UNKL: variants seen among roughly 807,000 people sequenced by gnomAD.
UNKL encodes putative E3 ubiquitin-protein ligase UNKL.
In UNKL, 60 loss-of-function variants were observed where a neutral mutation model predicts 78.0. That is an observed-to-expected ratio of 0.77 (90% CI 0.63 to 0.95). The LOEUF is 0.95. UNKL is among the 40% of genes least tolerant of loss of function. UNKL has a pLI of 0.00. For missense variants in UNKL, 1,159 were observed against 1,045.7 expected (o/e 1.11, Z -1.49); for synonymous variants, 608 against 474.8 (o/e 1.28, Z -3.65).
intron 2 of UNKL, among the ~76,000 whole-genome samples, chr16:1,410,917 G>C (rs1259305547): frequency 6.6e-6 from 1 of 152,184 alleles, no homozygotes; most frequent in African/African-American, 2.4e-5. Flanking sequence ...ATTATTTCAA[G>C]TTTAGGCATC....
chr16:1,379,483 G>A (rs1759225498), intron 10 of UNKL: 1 of 985,252 alleles, frequency 1.0e-6, no homozygotes, highest in Non-Finnish European at 1.2e-6. Flanking sequence ...TGAGAAGCCC[G>A]GGCCCACCCC....
At position 1,363,312 on chromosome 16, in the gene UNKL, C is replaced by CT; in HGVS notation, c.*2927dup. 1.8e-6 allele frequency: 1 copy of CT among 567,132 alleles called. No homozygotes were observed. The highest frequency in any genetic ancestry group is 3.2e-6 in the Non-Finnish European group (1 of 316,628). The allele number at this position is 567,132 out of a possible 1,614,324, so 35.1% of individuals were successfully genotyped here. On this transcript the variant is annotated 3_prime_UTR_variant, in exon 15 of 15. Coordinates refer to ENST00000389221, the MANE Select transcript of UNKL (RefSeq NM_001372107.1). The stretch of plus-strand genomic sequence containing the variant: ...GTAAAAAAATTTAAACAAGTGTTAA[C>CT]TTTAAACAGTTCGCTACAAGTAAAT...
In UNKL at chr16:1,374,582, T is replaced by C. The variant is rs907263865; in HGVS notation, c.1265-2971A>G. ...TGCCTGGTGCTCGGTTCAGACAAGC[T>C]GGGGCCCAGCAGAAGCAAAGAGGCG... is the stretch of plus-strand genomic sequence containing the variant. On this transcript the variant is annotated intron_variant, in intron 10 of 14. Transcript: ENST00000389221. Among the ~76,000 whole-genome samples, 41 of 152,066 alleles carry C rather than the reference T, an allele frequency of 2.7e-4. 2 individuals carry two copies. Among genetic ancestry groups the C allele is most frequent in the Admixed American group, 2.3e-3 (35 of 15,274 alleles).
intron 11 of UNKL, 126 bp from the exon 12 acceptor site, chr16:1,370,483 T>C (rs2035714518): frequency 3.0e-6 from 4 of 1,343,990 alleles, no homozygotes; most frequent in Non-Finnish European, 4.0e-6. Context: ...GGGGTGGGAA[T>C]ATAGGGGCCA....
At chr16:1,369,259 G>A (rs1050205370) in intron 12 of UNKL, among the ~76,000 whole-genome samples, 3 of 151,078 alleles carry the variant, frequency 2.0e-5, no homozygotes, top group Admixed American at 6.6e-5. Context: ...TAGTAGAGAC[G>A]GGGTTTCACC....
intron 12 of UNKL, among the ~76,000 whole-genome samples, chr16:1,369,758 C>T (rs1016926325): frequency 5.3e-5 from 8 of 152,162 alleles, no homozygotes; most frequent in African/African-American, 1.7e-4. Context: ...AGGCAGATCA[C>T]GAGGTCAGGA....
Position 1,413,948 on chromosome 16 carries a change from C to A in UNKL, c.185G>T (p.Arg62Leu). The A allele has an allele frequency of 6.4e-7, 1 of 1,552,974 alleles. No individual in the cohort carries two copies. The highest frequency in any genetic ancestry group is 8.7e-7 in the Non-Finnish European group (1 of 1,148,322). Residue 62 changes from arginine (R) to leucine (L), a missense_variant, in exon 2 of 15, where the codon CGC (arginine) becomes CTC (leucine). Arg to Leu is a moderately radical substitution (Grantham distance 102). Coordinates refer to ENST00000389221, the MANE Select transcript of UNKL (RefSeq NM_001372107.1). ...GTCGCGCCTGCGGAGGGGCCTGCGG[C>A]GCCGCTGGTTGAGGAAGTGCCAGTG... is the stretch of plus-strand genomic sequence containing the variant. Reference protein sequence around the residue: ...CFHWHFLNQRRRRPLRRRDGT... With the variant: ...CFHWHFLNQRLRRPLRRRDGT...
chr16:1,383,052 G>A (rs2036662373), intron 10 of UNKL, among the ~76,000 whole-genome samples: 1 of 144,284 alleles, frequency 6.9e-6, no homozygotes, highest in Non-Finnish European at 1.5e-5. Context: ...GAGGTCAGGA[G>A]ATCAAGACCA....
chr16:1,389,391 G>A (rs1476575232), intron 9 of UNKL, among the ~76,000 whole-genome samples: 1 of 152,154 alleles, frequency 6.6e-6, no homozygotes, highest in East Asian at 1.9e-4. Flanking sequence ...TTCGAGAACA[G>A]GCTGGGCAAC....
intron 8 of UNKL, among the ~76,000 whole-genome samples, chr16:1,391,239 TACACACAC>T (rs142620901): frequency 1.9e-4 from 2 of 10,360 alleles, no homozygotes; most frequent in Admixed American, 1.3e-3. Flanking sequence ...CCCTTAAAGA[TACACACAC>T]ACACACACAC....
chr16:1,401,520 T>C (rs905608367), intron 4 of UNKL, 48 bp downstream of exon 4: 9 of 1,466,034 alleles, frequency 6.1e-6, no homozygotes, highest in South Asian at 5.5e-5. Context: ...GTTCTCGCGC[T>C]GTGCCCGCCC....
At position 1,364,136 on chromosome 16, in the gene UNKL, TA is replaced by T. The variant is rs2035047318; in HGVS notation, c.*2103del. ...CGATGACAGTAGCACAAAATATACG[TA>T]ATTTCTAGATACTGAGCTAATAAAT... On this transcript the variant is annotated 3_prime_UTR_variant, in exon 15 of 15. Coordinates refer to ENST00000389221, the MANE Select transcript of UNKL (RefSeq NM_001372107.1). 1 of 152,194 alleles carries T rather than the reference TA, an allele frequency of 6.6e-6. No individual in the cohort carries two copies. Among genetic ancestry groups the T allele is most frequent in the Admixed American group, 6.5e-5 (1 of 15,288 alleles). 9.4% of individuals were successfully genotyped at this position (152,194 alleles called of 1,614,324 possible). A position where few individuals can be genotyped will look rare whatever the true frequency, so the allele number is the denominator to read the frequency against.
chr16:1,384,597 C>T (rs2036736948), intron 10 of UNKL, among the ~76,000 whole-genome samples: 1 of 151,872 alleles, frequency 6.6e-6, no homozygotes, highest in African/African-American at 2.4e-5. Context: ...GGCCCACAAC[C>T]CCTACTTTCA....
rs539793988 is a variant in UNKL, at chr16:1,366,081, C to T, written c.*159G>A. ...TGACAGGAAAGGCTGTCAGGCCAAG[C>T]GCAGGCGGGGCTCCCAGCCTCATGA... On this transcript the variant is annotated 3_prime_UTR_variant, in exon 15 of 15. Coordinates refer to ENST00000389221, the MANE Select transcript of UNKL (RefSeq NM_001372107.1). 13 of 829,910 alleles carry T rather than the reference C, an allele frequency of 1.6e-5. No individual in the cohort carries two copies. Among genetic ancestry groups the T allele is most frequent in the East Asian group, 9.1e-5 (3 of 32,796 alleles). The allele number at this position is 829,910 out of a possible 1,614,324, so 51.4% of individuals were successfully genotyped here.
intron 6 of UNKL, among the ~76,000 whole-genome samples, chr16:1,395,193 A>G (rs1440282719): frequency 7.7e-6 from 1 of 129,632 alleles, no homozygotes; most frequent in Non-Finnish European, 1.6e-5. Context: ...TTTGAGCCAG[A>G]GTCTGGCTCT....
In UNKL at chr16:1,403,924, T is replaced by A. The variant is rs1200597051; in HGVS notation, c.288-580A>T. Among the ~76,000 whole-genome samples, 2 of 151,918 alleles carry A rather than the reference T, an allele frequency of 1.3e-5. No individual in the cohort carries two copies. Among genetic ancestry groups the A allele is most frequent in the Non-Finnish European group, 2.9e-5 (2 of 67,972 alleles). On this transcript the variant is annotated intron_variant, in intron 2 of 14. Coordinates refer to ENST00000389221, the MANE Select transcript of UNKL (RefSeq NM_001372107.1). The surrounding 1 kb of genome is among the most constrained non-coding windows in gnomAD (Gnocchi z 4.8). Reference sequence around the variant, plus strand: ...GAACACAGGTGAGGTAGCATCACCATCCCATGGGCCACCTGCAGGCCCAGA... The same window carrying A: ...GAACACAGGTGAGGTAGCATCACCAACCCATGGGCCACCTGCAGGCCCAGA...
intron 8 of UNKL, among the ~76,000 whole-genome samples, 176 bp downstream of exon 8, chr16:1,392,715 G>A (rs1457715481): frequency 1.3e-5 from 2 of 152,226 alleles, no homozygotes; most frequent in Admixed American, 6.5e-5. Context: ...GATGACAGGC[G>A]TGAGCCACTG....
In UNKL at chr16:1,367,347, G is replaced by C. The variant is rs2035362334; in HGVS notation, c.1791C>G (p.Val597=). 1.3e-6 allele frequency: 2 copies of C among 1,540,888 alleles called. No individual in the cohort carries two copies. The highest frequency in any genetic ancestry group is 1.7e-6 in the Non-Finnish European group (2 of 1,148,090). The change falls in exon 14 of 15, where the codon GTC becomes GTG. Residue 597 remains valine (V), a splice_region_variant and synonymous_variant. Coordinates refer to ENST00000389221, the MANE Select transcript of UNKL (RefSeq NM_001372107.1). ...WEESWQQVKQ[V]CDAWQREAQE... is the part of the protein sequence containing the mutation. ...GCGCCTCTCGCTGCCAGGCATCGCA[G>C]ACCTGAAACCCAGGGCCCGTCTCAG...
At chr16:1,413,551 A>C (rs1277062965) in intron 2 of UNKL, among the ~76,000 whole-genome samples, 2 of 152,258 alleles carry the variant, frequency 1.3e-5, no homozygotes, top group African/African-American at 4.8e-5. Context: ...CAGAGCAACA[A>C]GAGTGAAACT....
Sources: allele counts gnomAD v4.1 joint callset (sites outside exome capture counted in the v4.1 genomes callset), GRCh38; gene constraint gnomAD v4.1.1; non-coding constraint Gnocchi (gnomAD v3.1); transcripts MANE v1.5; gene names NCBI Gene and HGNC (gene_info 2026-07-23, HGNC 2026-07-21).